Variants in DMD observed in about 807,000 individuals in gnomAD.
DMD encodes dystrophin.
A neutral mutation model predicts 330.1 loss-of-function variants in DMD; 63 were observed. The ratio of observed to expected loss-of-function variants is 0.19; its 90% CI spans 0.16 to 0.24. The LOEUF (loss-of-function observed/expected upper bound fraction) is 0.24, where lower values mean the gene tolerates loss of function less well. Among genes scored for constraint, DMD ranks in the 10% least tolerant of loss-of-function variants. The pLI is 1.00. For synonymous variants in DMD, 1,223 were observed against 959.8 expected, an observed-to-expected ratio of 1.27 and a Z score of -5.07; for missense variants, 3,344 against 2,684.1, an observed-to-expected ratio of 1.25 and a Z score of -5.43.
At chrX:31,586,757 T>C (rs574476615) in intron 55 of DMD, among the ~76,000 whole-genome samples, 1 of 112,265 alleles carries the variant, frequency 8.9e-6, no homozygotes. Flanking sequence ...GAGATATGTG[T>C]ATATTTATAT....
At chrX:31,896,107 T>C (rs1268803132) in intron 47 of DMD, among the ~76,000 whole-genome samples, 1 of 109,037 alleles carries the variant, frequency 9.2e-6, no homozygotes. Flanking sequence ...AAAAGAAAAA[T>C]ATGTATTAGT....
chrX:32,055,631 A>G (rs1415671439), intron 44 of DMD, among the ~76,000 whole-genome samples: 1 of 111,750 alleles, frequency 8.9e-6, no homozygotes, highest in Non-Finnish European at 1.9e-5. Flanking sequence ...GTTCTCCATG[A>G]ATATGTACAA....
chrX:32,581,718 C>A (rs2053672635), intron 13 of DMD, among the ~76,000 whole-genome samples: 1 of 111,465 alleles, frequency 9.0e-6, no homozygotes, highest in Non-Finnish European at 1.9e-5. Context: ...AGTTACCAAG[C>A]CTGCATAATC....
intron 50 of DMD, among the ~76,000 whole-genome samples, chrX:31,793,153 G>A (rs762642680): frequency 9.0e-6 from 1 of 111,134 alleles, no homozygotes; most frequent in Non-Finnish European, 1.9e-5. Context: ...ATGTCCAGCT[G>A]TAGTCCTGTC....
chrX:32,768,559 A>G (rs1259638103), intron 7 of DMD, among the ~76,000 whole-genome samples: 1 of 112,119 alleles, frequency 8.9e-6, no homozygotes, highest in Admixed American at 9.5e-5. Context: ...ATTTATTTAA[A>G]TCAACAAAAT....
chrX:32,914,380 G>GAGTACTAAGAGT (rs2087590168), intron 2 of DMD, among the ~76,000 whole-genome samples: 1 of 112,069 alleles, frequency 8.9e-6, no homozygotes, highest in East Asian at 2.8e-4. Flanking sequence ...AGTACTAAGC[G>GAGTACTAAGAGT]ACTCATAGAA....
intron 44 of DMD, among the ~76,000 whole-genome samples, chrX:32,121,218 C>CA (rs1405158580): frequency 9.0e-6 from 1 of 111,008 alleles, no homozygotes; most frequent in Non-Finnish European, 1.9e-5. Flanking sequence ...GATCGAAAGA[C>CA]AAAAAATGAA....
chrX:32,484,855 G>A, intron 21 of DMD, 64 bp downstream of exon 21: 4 of 1,093,821 alleles, frequency 3.7e-6, no homozygotes, highest in Non-Finnish European at 3.8e-6. Flanking sequence ...AGTACCTTCT[G>A]GATTTCCCCA....
At chrX:31,565,324 T>C (rs996828154) in intron 55 of DMD, among the ~76,000 whole-genome samples, 5 of 111,421 alleles carry the variant, frequency 4.5e-5, no homozygotes, top group African/African-American at 1.3e-4. Flanking sequence ...CTCCTTGCAA[T>C]CACCAATCTG....
At chrX:31,395,643 G>C (rs1054000693) in intron 60 of DMD, among the ~76,000 whole-genome samples, 4 of 111,677 alleles carry the variant, frequency 3.6e-5, no homozygotes, top group African/African-American at 1.3e-4. Flanking sequence ...CACCCTTTTT[G>C]CCTTCTCTTT....
rs189900734 is a variant in DMD at position 32,545,769 on chromosome X, G to A, written c.1993-435C>T. 2.7e-5 allele frequency among the ~76,000 whole-genome samples: 3 copies of A among 110,768 alleles called. No homozygotes were observed. The East Asian group carries it at 8.6e-4, about 32-fold the overall frequency. ...TAATAGTTTGTAGAATGCATTTTTG[G>A]TTATCATACACATTGATTATTTTAT... On this transcript the variant is annotated intron_variant, in intron 16 of 78. Coordinates refer to ENST00000357033, the MANE Select transcript of DMD (RefSeq NM_004006.3).
At chrX:31,440,803 C>T (rs185767293) in intron 60 of DMD, among the ~76,000 whole-genome samples, 27 of 112,222 alleles carry the variant, frequency 2.4e-4, no homozygotes, top group South Asian at 2.2e-3. Flanking sequence ...GAAAATAGGA[C>T]TTCATTCCCA....
At chrX:31,439,045 C>G (rs2064745635) in intron 60 of DMD, among the ~76,000 whole-genome samples, 1 of 111,458 alleles carries the variant, frequency 9.0e-6, no homozygotes, top group Non-Finnish European at 1.9e-5. Flanking sequence ...TCTCACAAAG[C>G]TTACTACTAT....
chrX:33,265,230 T>C (rs1041303007), intron 1 of DMD, among the ~76,000 whole-genome samples: 10 of 110,640 alleles, frequency 9.0e-5, no homozygotes, highest in African/African-American at 2.9e-4. Context: ...GAATTTTGCC[T>C]AGATCCTGAC....
At chrX:32,416,755 C>T (rs1453233639) in intron 29 of DMD, among the ~76,000 whole-genome samples, 1 of 111,321 alleles carries the variant, frequency 9.0e-6, no homozygotes, top group Non-Finnish European at 1.9e-5. Context: ...CTCAACCTGC[C>T]CTTCAGAAAC....
At chrX:33,164,601 C>T (rs1285944754) in intron 1 of DMD, among the ~76,000 whole-genome samples, 1 of 112,248 alleles carries the variant, frequency 8.9e-6, no homozygotes, top group Non-Finnish European at 1.9e-5. Flanking sequence ...GTCATTATTA[C>T]TACACTACTT....
At chrX:32,992,236 G>T (rs2092996091) in intron 2 of DMD, among the ~76,000 whole-genome samples, 1 of 111,790 alleles carries the variant, frequency 8.9e-6, no homozygotes, top group Non-Finnish European at 1.9e-5. Flanking sequence ...TGTAATCCAA[G>T]CAGCAGTGAT....
At chrX:32,621,676 T>G (rs929370549) in intron 11 of DMD, among the ~76,000 whole-genome samples, 4 of 110,253 alleles carry the variant, frequency 3.6e-5, no homozygotes, top group Admixed American at 9.7e-5. Flanking sequence ...TGGGGATTTT[T>G]GGGGTAGGGA....
At chrX:33,210,576 T>C (rs7878774) in intron 1 of DMD, among the ~76,000 whole-genome samples, 3,718 of 111,391 alleles carry the variant, frequency 0.033, 147 homozygotes, top group African/African-American at 0.12. Context: ...CTACTAAATA[T>C]AATTAGGAGT....
Sources: allele counts gnomAD v4.1 joint callset (sites outside exome capture counted in the v4.1 genomes callset), GRCh38; gene constraint gnomAD v4.1.1; transcripts MANE v1.5; gene names NCBI Gene and HGNC (gene_info 2026-07-23, HGNC 2026-07-21).